SLC44A5: variants seen among roughly 807,000 people sequenced by gnomAD.
SLC44A5 encodes the protein solute carrier family 44 member 5, also known as choline transporter-like protein 5.
In SLC44A5, 57 loss-of-function variants were observed where a neutral mutation model predicts 101.8. The ratio of observed to expected loss-of-function variants is 0.56; its 90% CI spans 0.45 to 0.70. The LOEUF (loss-of-function observed/expected upper bound fraction) is 0.70, where lower values mean the gene tolerates loss of function less well. Ranked by LOEUF, SLC44A5 falls within the 30% of genes least tolerant of loss-of-function variation. The pLI is 0.00. For missense variants in SLC44A5, 737 were observed against 853.1 expected (o/e 0.86, Z 1.70); for synonymous variants, 281 against 290.9 (o/e 0.97, Z 0.35).
chr1:75,274,846 T>A lies in SLC44A5; in HGVS notation c.260+112A>T. The A allele has an allele frequency of 4.7e-6, 4 of 845,450 alleles. No individual in the cohort carries two copies. The South Asian group carries it at 6.8e-5, about 14-fold the overall frequency. The allele number at this position is 845,450 out of a possible 1,614,324, so 52.4% of individuals were successfully genotyped here. On this transcript the variant is annotated intron_variant, in intron 6 of 23. Transcript: ENST00000370859. Reference sequence around the variant, plus strand: ...TGTTAGAAAAAAGGGAGGGAAGGCTTCCTTTATGAATTTAAATCTTCTTAA... The same window carrying A: ...TGTTAGAAAAAAGGGAGGGAAGGCTACCTTTATGAATTTAAATCTTCTTAA...
intron 2 of SLC44A5, among the ~76,000 whole-genome samples, chr1:75,475,032 T>A (rs1667305819): frequency 6.6e-6 from 1 of 152,206 alleles, no homozygotes; most frequent in South Asian, 2.1e-4. Flanking sequence ...CGCCCCTGAG[T>A]TATTCACACA....
At chr1:75,255,096 A>C (rs903662030) in intron 6 of SLC44A5, among the ~76,000 whole-genome samples, 2 of 152,088 alleles carry the variant, frequency 1.3e-5, no homozygotes, top group Non-Finnish European at 2.9e-5. Flanking sequence ...ATGACAGTCA[A>C]CACAGCCCTG....
intron 1 of SLC44A5, among the ~76,000 whole-genome samples, chr1:75,567,302 A>T (rs1012788773): frequency 1.3e-4 from 20 of 152,316 alleles, no homozygotes; most frequent in African/African-American, 4.8e-4. Flanking sequence ...TTCACCCAGA[A>T]GATAGACGTC....
chr1:75,645,454 G>T, the SLC44A5 span, among the ~76,000 whole-genome samples: 1 of 151,398 alleles, frequency 6.6e-6, no homozygotes, highest in Non-Finnish European at 1.5e-5. Flanking sequence ...CATATCCTTC[G>T]CCCACTTGTT....
chr1:75,349,659 G>T (rs904951389), intron 3 of SLC44A5, among the ~76,000 whole-genome samples: 1 of 152,098 alleles, frequency 6.6e-6, no homozygotes, highest in African/African-American at 2.4e-5. Flanking sequence ...AAGAAGAAAT[G>T]CAGAGTGAAG....
chr1:75,230,397 G>T (rs1647440611), intron 12 of SLC44A5, among the ~76,000 whole-genome samples: 2 of 150,818 alleles, frequency 1.3e-5, no homozygotes, highest in Non-Finnish European at 3.0e-5. Context: ...ACAGGTGTGT[G>T]CTACCATGCC....
At chr1:75,627,557 C>A in the SLC44A5 span, among the ~76,000 whole-genome samples, 1 of 151,854 alleles carries the variant, frequency 6.6e-6, no homozygotes, top group Non-Finnish European at 1.5e-5. Context: ...GTGGCACACA[C>A]CTGTAGTCCC....
intron 5 of SLC44A5, among the ~76,000 whole-genome samples, chr1:75,300,380 T>C (rs1484973403): frequency 6.6e-6 from 1 of 152,216 alleles, no homozygotes; most frequent in Non-Finnish European, 1.5e-5. Flanking sequence ...CTTTCTGCTT[T>C]ATAATTGTAT....
chr1:75,536,443 C>CA (rs58913392), intron 2 of SLC44A5, among the ~76,000 whole-genome samples: 7,343 of 149,826 alleles, frequency 0.049, 209 homozygotes, highest in Middle Eastern at 0.089. Context: ...ACTAAAAATA[C>CA]AAAAAAAATT....
At chr1:75,376,258 G>A (rs1470523467) in intron 3 of SLC44A5, among the ~76,000 whole-genome samples, 1 of 152,258 alleles carries the variant, frequency 6.6e-6, no homozygotes, top group Non-Finnish European at 1.5e-5. Flanking sequence ...CGAGGCTGGG[G>A]GAGGGGCGCC....
intron 2 of SLC44A5, chr1:75,398,329 C>A: frequency 5.1e-6 from 5 of 974,648 alleles, no homozygotes; most frequent in Non-Finnish European, 6.1e-6. Context: ...CCAGCTCCCT[C>A]AGCTATATAA....
intron 5 of SLC44A5, among the ~76,000 whole-genome samples, chr1:75,278,955 G>T (rs188681657): frequency 9.6e-4 from 145 of 151,196 alleles, no homozygotes; most frequent in African/African-American, 2.2e-3. Context: ...ATATTTTTAG[G>T]GTACACATGA....
chr1:75,615,806 C>T (rs921723000), upstream of SLC44A5: 10 of 950,958 alleles, frequency 1.1e-5, no homozygotes, highest in Non-Finnish European at 1.3e-5. Flanking sequence ...GGGCAGAGGG[C>T]GGGTGAGAGA....
chr1:75,256,170 A>T (rs1650004593), intron 6 of SLC44A5, among the ~76,000 whole-genome samples: 1 of 152,156 alleles, frequency 6.6e-6, no homozygotes. Flanking sequence ...AAATCTGTTA[A>T]CTCTAGAAAA....
rs537667255 is a variant in SLC44A5, at chr1:75,316,696, G to A, written c.102-16011C>T. 2.8e-3 allele frequency among the ~76,000 whole-genome samples: 433 copies of A among 152,324 alleles called. 2 individuals carry two copies. The highest frequency in any genetic ancestry group is 5.1e-3 in the Non-Finnish European group (348 of 68,028). On this transcript the variant is annotated intron_variant, in intron 4 of 23. Coordinates refer to ENST00000370859, the MANE Select transcript of SLC44A5 (RefSeq NM_001130058.2). ...CTGGTAAAATTTTTGGTTAAAAGTA[G>A]AAGGAGGGTTAGTATTCTGATTTAA...
intron 3 of SLC44A5, among the ~76,000 whole-genome samples, chr1:75,383,635 G>A (rs1302189907): frequency 6.6e-6 from 1 of 152,146 alleles, no homozygotes; most frequent in Non-Finnish European, 1.5e-5. Context: ...ATACTCTGCA[G>A]GATATTATCC....
chr1:75,444,541 CAT>C (rs1262076774), intron 2 of SLC44A5, among the ~76,000 whole-genome samples: 1 of 133,658 alleles, frequency 7.5e-6, no homozygotes, highest in African/African-American at 2.8e-5. Context: ...TCGAAGGAGA[CAT>C]AGGAATAAGG....
At chr1:75,644,647 T>A in the SLC44A5 span, among the ~76,000 whole-genome samples, 14 of 150,792 alleles carry the variant, frequency 9.3e-5, no homozygotes, top group East Asian at 3.9e-4. Context: ...TATATATTTT[T>A]TTTTAATTAT....
At chr1:75,321,449 GC>G (rs1482597100) in intron 4 of SLC44A5, among the ~76,000 whole-genome samples, 1 of 139,774 alleles carries the variant, frequency 7.2e-6, no homozygotes, top group African/African-American at 3.0e-5. Flanking sequence ...TTGTTATATG[GC>G]AGAGAGAGAG....
Sources: gnomAD v4.1 joint callset for allele counts (sites outside exome capture counted in the v4.1 genomes callset) on GRCh38, gnomAD v4.1.1 for gene constraint, MANE v1.5 for transcripts, NCBI Gene and HGNC (gene_info 2026-07-23, HGNC 2026-07-21) for gene names.